The following SCFD2 variants were observed in gnomAD, a reference collection of about 807,000 sequenced individuals.
SCFD2 encodes sec1 family domain containing 2, also known as sec1 family domain-containing protein 2.
In SCFD2, 54 loss-of-function variants were observed where a neutral mutation model predicts 58.9. That is an observed-to-expected ratio of 0.92 (90% CI 0.74 to 1.15). SCFD2 has a LOEUF of 1.15. Among genes scored for constraint, SCFD2 ranks in the 50% most tolerant of loss-of-function variants. The pLI is 0.00. For missense variants in SCFD2, 805 were observed against 836.6 expected (o/e 0.96, Z 0.47); for synonymous variants, 321 against 335.9 (o/e 0.96, Z 0.49).
chr4:53,242,549 C>T (rs531576286), intron 4 of SCFD2, among the ~76,000 whole-genome samples: 1 of 152,320 alleles, frequency 6.6e-6, no homozygotes, highest in South Asian at 2.1e-4. Context: ...AGTGCAAGAA[C>T]TCTGACCACT....
At chr4:53,301,872 A>G (rs376884299) in intron 3 of SCFD2, among the ~76,000 whole-genome samples, 1 of 152,122 alleles carries the variant, frequency 6.6e-6, no homozygotes, top group Non-Finnish European at 1.5e-5. Flanking sequence ...CTCAATAGAT[A>G]CAGAAAAGGC....
chr4:53,183,403 CA>C (rs1202325773), intron 4 of SCFD2, among the ~76,000 whole-genome samples: 19 of 151,726 alleles, frequency 1.3e-4, no homozygotes, highest in African/African-American at 4.3e-4. Context: ...ATCGCAAGGA[CA>C]AAAAAACCAA....
At chr4:53,179,716 A>G (rs552768099) in intron 4 of SCFD2, among the ~76,000 whole-genome samples, 36 of 152,310 alleles carry the variant, frequency 2.4e-4, no homozygotes, top group African/African-American at 8.7e-4. Context: ...AAATTGGATC[A>G]AGAGTCAAGA....
At chr4:52,874,358 G>A (rs1231459450) in intron 8 of SCFD2, among the ~76,000 whole-genome samples, 1 of 152,156 alleles carries the variant, frequency 6.6e-6, no homozygotes, top group Non-Finnish European at 1.5e-5. Flanking sequence ...CATTTGACAG[G>A]CAGAGCCCAG....
At chr4:53,247,086 T>C (rs1235880614) in intron 4 of SCFD2, among the ~76,000 whole-genome samples, 1 of 149,724 alleles carries the variant, frequency 6.7e-6, no homozygotes, top group Admixed American at 6.6e-5. Flanking sequence ...AAACAAAAGT[T>C]GAGCAAAGGA....
At chr4:52,950,226 A>G (rs1307180585) in intron 5 of SCFD2, 2 of 152,238 alleles carry the variant, frequency 1.3e-5, no homozygotes, top group Non-Finnish European at 2.9e-5. Context: ...TTAGGTATTG[A>G]GTTTGTAATG....
intron 5 of SCFD2, among the ~76,000 whole-genome samples, chr4:53,014,927 C>CT (rs752799014): frequency 1.3e-5 from 2 of 152,198 alleles, no homozygotes; most frequent in African/African-American, 2.4e-5. Flanking sequence ...TCAGCATTCC[C>CT]TGTTATAAGG....
chr4:53,148,734 G>T (rs1726413726), intron 4 of SCFD2, among the ~76,000 whole-genome samples: 1 of 152,202 alleles, frequency 6.6e-6, no homozygotes, highest in Non-Finnish European at 1.5e-5. Flanking sequence ...AAAAGGCCAG[G>T]TGTGGTGGCT....
At chr4:52,912,923 G>T (rs1490667533) in intron 6 of SCFD2, among the ~76,000 whole-genome samples, 1 of 152,204 alleles carries the variant, frequency 6.6e-6, no homozygotes, top group African/African-American at 2.4e-5. Flanking sequence ...TCTCTCGCAT[G>T]CTAGGAAGGG....
intron 3 of SCFD2, among the ~76,000 whole-genome samples, chr4:53,285,266 G>A (rs1320157578): frequency 1.3e-5 from 2 of 152,034 alleles, no homozygotes; most frequent in African/African-American, 4.8e-5. Context: ...TATAAACTCA[G>A]CAGATAACAT....
intron 4 of SCFD2, among the ~76,000 whole-genome samples, chr4:53,194,993 T>C (rs1445139656): frequency 6.6e-6 from 1 of 152,182 alleles, no homozygotes; most frequent in East Asian, 1.9e-4. Context: ...ACAGATGTCA[T>C]GTAAAAACCC....
At chr4:52,912,344 GA>G (rs1430852225) in intron 6 of SCFD2, among the ~76,000 whole-genome samples, 2 of 152,126 alleles carry the variant, frequency 1.3e-5, no homozygotes, top group East Asian at 1.9e-4. Context: ...GAAAAAAGGA[GA>G]GGGGCAAGAA....
chr4:52,968,582 T>A (rs138383527), intron 5 of SCFD2, among the ~76,000 whole-genome samples: 50 of 152,246 alleles, frequency 3.3e-4, no homozygotes, highest in Non-Finnish European at 7.3e-5. Context: ...AATTCTTTAC[T>A]GCAAGAAGGG....
chr4:53,244,885 G>C (rs116231600), intron 4 of SCFD2, among the ~76,000 whole-genome samples: 1,958 of 147,440 alleles, frequency 0.013, 19 homozygotes, highest in Non-Finnish European at 0.019. Flanking sequence ...AAAAAAGAGA[G>C]AAGATTCAAA....
At chr4:53,062,197 C>A (rs10027435) in intron 5 of SCFD2, among the ~76,000 whole-genome samples, 50,207 of 151,238 alleles carry the variant, frequency 0.33, 8,464 homozygotes, top group Middle Eastern at 0.51. Flanking sequence ...CAGGGCAAAA[C>A]CCCGTCTCTA....
At chr4:53,191,054 A>G (rs923514942) in intron 4 of SCFD2, among the ~76,000 whole-genome samples, 5 of 152,204 alleles carry the variant, frequency 3.3e-5, no homozygotes, top group African/African-American at 9.6e-5. Flanking sequence ...AGTATTAAAT[A>G]TAAAATTTGA....
intron 3 of SCFD2, among the ~76,000 whole-genome samples, chr4:53,311,722 G>C (rs1732697928): frequency 6.6e-6 from 1 of 151,538 alleles, no homozygotes; most frequent in Non-Finnish European, 1.5e-5. Context: ...TGGAACCTCT[G>C]CCTTCTGGGT....
In SCFD2 at chr4:53,207,339, G is replaced by A. The variant is rs1560384973; in HGVS notation, c.1312-61757C>T. Among the ~76,000 whole-genome samples the A allele has an allele frequency of 2.0e-5, 3 of 146,790 alleles. No homozygotes were observed. In the Admixed American group the frequency reaches 2.1e-4, roughly 10 times the overall value. On this transcript the variant is annotated intron_variant, in intron 4 of 8. Transcript: ENST00000401642. ...AAAAAAAAAAAAAGGATGATGGCAA[G>A]AGGGGAGAATTTTTTTTTAAATAGT...
At chr4:53,289,778 G>C (rs1268154029) in intron 3 of SCFD2, among the ~76,000 whole-genome samples, 1 of 152,128 alleles carries the variant, frequency 6.6e-6, no homozygotes, top group East Asian at 1.9e-4. Flanking sequence ...AAAGCAAAGA[G>C]AAGGAAGAAG....
Sources: allele counts gnomAD v4.1 joint callset (sites outside exome capture counted in the v4.1 genomes callset), GRCh38; gene constraint gnomAD v4.1.1; transcripts MANE v1.5; gene names NCBI Gene and HGNC (gene_info 2026-07-23, HGNC 2026-07-21).